Variants in FAT2 observed in about 807,000 individuals in gnomAD.
FAT2 encodes protocadherin Fat 2.
A neutral mutation model predicts 295.3 loss-of-function variants in FAT2; 150 were observed. That is an observed-to-expected ratio of 0.51 (90% CI 0.44 to 0.58). FAT2 has a LOEUF of 0.58. Ranked by LOEUF, FAT2 falls within the 20% of genes least tolerant of loss-of-function variation. FAT2 has a pLI of 0.00. For missense variants in FAT2, 4,868 were observed against 5,442.7 expected, an observed-to-expected ratio of 0.89 and a Z score of 3.32; for synonymous variants, 2,026 against 2,150.3, an observed-to-expected ratio of 0.94 and a Z score of 1.60.
intron 2 of FAT2, among the ~76,000 whole-genome samples, chr5:151,564,790 C>T (rs371538028): frequency 4.5e-4 from 68 of 152,266 alleles, no homozygotes; most frequent in Non-Finnish European, 9.0e-4. Flanking sequence ...AAGAATTTTT[C>T]GGCCGGGCAT....
In FAT2 at chr5:151,529,238, G is replaced by A. The variant is rs1344055651; in HGVS notation, c.9966C>T (p.Pro3322=). The stretch of plus-strand genomic sequence containing the variant: ...AGACCCTTGTGCTATATGGATCTTG[G>A]GGGAATTGGGGCCGGTGTTCATTGA... The part of the protein sequence containing the change: ...TDVNEHRPQF[P]QDPYSTRVLE... Residue 3322 remains proline (P), a synonymous_variant, in exon 15 of 24, where the codon CCC becomes CCT. Transcript: ENST00000261800. 1 of 1,613,998 alleles carries A rather than the reference G, an allele frequency of 6.2e-7. No individual in the cohort carries two copies. The highest frequency in any genetic ancestry group is 8.5e-7 in the Non-Finnish European group (1 of 1,180,022).
intron 1 of FAT2, among the ~76,000 whole-genome samples, chr5:151,570,183 C>T (rs1758464707): frequency 6.6e-6 from 1 of 152,240 alleles, no homozygotes; most frequent in African/African-American, 2.4e-5. Context: ...GAGCTCCTTG[C>T]ACAGACCAGG....
chr5:151,590,515 C>T (rs1027575424), intron 1 of FAT2, among the ~76,000 whole-genome samples: 6 of 152,202 alleles, frequency 3.9e-5, no homozygotes, highest in Non-Finnish European at 5.9e-5. Context: ...GTTCCCACCC[C>T]AACAACTCCA....
chr5:151,568,199 GA>G lies in FAT2; in HGVS notation c.732del (p.His245MetfsTer17). 1 of 1,613,986 alleles carries G rather than the reference GA, an allele frequency of 6.2e-7. No homozygotes were observed. The highest frequency in any genetic ancestry group is 8.5e-7 in the Non-Finnish European group (1 of 1,179,946). On this transcript the variant is annotated frameshift_variant, in exon 2 of 24. Coordinates refer to ENST00000261800, the MANE Select transcript of FAT2 (RefSeq NM_001447.3). LOFTEE classifies it high-confidence loss of function. ...NGFGSLAALV[V>X]HVEPALRKPP... ...GGCTTCCTGAGGGCAGGCTCCACAT[GA>G]ACCACAAGTGCAGCCAGGCTGCCAA...
rs899706690 is a variant in FAT2, at chr5:151,505,987, G to C, written c.12628C>G (p.His4210Asp). 2 of 1,573,712 alleles carry C rather than the reference G, an allele frequency of 1.3e-6. No homozygotes were observed. Among genetic ancestry groups the C allele is most frequent in the African/African-American group, 2.7e-5 (2 of 73,076 alleles). The change falls in exon 24 of 24, where the codon CAC (histidine) becomes GAC (aspartate). Residue 4210 changes from histidine to aspartate, a missense_variant. By Grantham distance (81) the His-to-Asp change is moderately conservative. Around this residue, in one of 5 missense-constraint regions of FAT2, gnomAD observed 492 missense variants for 482.6 expected, o/e 1.02. Coordinates refer to ENST00000261800, the MANE Select transcript of FAT2 (RefSeq NM_001447.3). ...TCTGGCATCACGACTGGGGTTGAGT[G>C]GCGGTGAGCCGAGGGCGGCAGAGGG... ...QGPLPPSAHR[H>D]STPVVMPEPN...
chr5:151,527,468 A>T (rs1463820778), intron 16 of FAT2, 91 bp from the exon 17 acceptor site: 3 of 1,336,846 alleles, frequency 2.2e-6, no homozygotes, highest in Middle Eastern at 4.6e-4. Flanking sequence ...CAAAAAAAAT[A>T]AGAAGGAGAC....
chr5:151,549,591 C>T, intron 8 of FAT2, 86 bp from the exon 9 acceptor site: 1 of 1,111,312 alleles, frequency 9.0e-7, no homozygotes, highest in Non-Finnish European at 1.3e-6. Flanking sequence ...ACTAGAATGC[C>T]AATTTAAAAT....
chr5:151,554,457 C>T lies in FAT2; in HGVS notation c.3850G>A (p.Glu1284Lys), dbSNP rs561203093. 18 of 1,614,188 alleles carry T rather than the reference C, an allele frequency of 1.1e-5. No individual in the cohort carries two copies. Among genetic ancestry groups the T allele is most frequent in the African/African-American group, 5.3e-5 (4 of 75,040 alleles). Reference protein sequence around the residue: ...GLNGRVTYSIEDSDEEAFSID... With the variant: ...GLNGRVTYSIKDSDEEAFSID... ...CTGAAGGCCTCCTCATCGCTGTCCT[C>T]GATACTGTAGGTGACTCTGCCATTA... The change falls in exon 5 of 24, where the codon GAG becomes AAG. Residue 1284 changes from glutamate (E) to lysine (K), a missense_variant. Around this residue, in one of 5 missense-constraint regions of FAT2, gnomAD observed 3,297 missense variants for 3,669.4 expected, o/e 0.90. Transcript: ENST00000261800.
At chr5:151,507,709 A>G in intron 22 of FAT2, 98 bp from the exon 23 acceptor site, 2 of 1,112,778 alleles carry the variant, frequency 1.8e-6, no homozygotes, top group South Asian at 1.7e-5. Flanking sequence ...TCCCCCCAAA[A>G]CCTACCATCT....
In FAT2 at chr5:151,568,527, C is replaced by T. The variant is rs2127650234; in HGVS notation, c.405G>A (p.Val135=). ...TLELEALTRV[V]VHILDQNDLK... ...GGTCATTCTGGTCCAGGATGTGGAC[C>T]ACCACACGGGTCAAAGCTTCCAACT... The change falls in exon 2 of 24, where the codon GTG becomes GTA. Residue 135 remains valine (V), a synonymous_variant. Coordinates refer to ENST00000261800, the MANE Select transcript of FAT2 (RefSeq NM_001447.3). The T allele has an allele frequency of 6.2e-7, 1 of 1,614,010 alleles. No homozygotes were observed. Among genetic ancestry groups the T allele is most frequent in the African/African-American group, 1.3e-5 (1 of 74,982 alleles).
At chr5:151,553,155 T>G in intron 6 of FAT2, 22 bp downstream of exon 6, 1 of 1,611,448 alleles carries the variant, frequency 6.2e-7, no homozygotes, top group Non-Finnish European at 8.5e-7. Context: ...TGGCCCTTGT[T>G]GGGCCCTAGG....
upstream of FAT2, among the ~76,000 whole-genome samples, chr5:151,591,616 G>T (rs984450350): frequency 6.8e-6 from 1 of 146,524 alleles, no homozygotes; most frequent in Non-Finnish European, 1.5e-5. Flanking sequence ...AACTAGAAAA[G>T]GTCACTTGGC....
chr5:151,522,180 T>G, intron 18 of FAT2, 94 bp from the exon 19 acceptor site: 1 of 1,018,190 alleles, frequency 9.8e-7, no homozygotes, highest in Non-Finnish European at 1.4e-6. Context: ...TACGTTTCTC[T>G]GCCCCACGCC....
intron 18 of FAT2, among the ~76,000 whole-genome samples, chr5:151,523,770 C>T (rs6879007): frequency 0.79 from 120,428 of 152,060 alleles, 48,231 homozygotes; most frequent in East Asian, 0.96. Context: ...CAGCTACCCA[C>T]TGGACACCTC....
At position 151,535,369 on chromosome 5, in the gene FAT2, A is replaced by T. The variant is rs951627015; in HGVS notation, c.9194-727T>A. On this transcript the variant is annotated intron_variant, in intron 12 of 23. Coordinates refer to ENST00000261800, the MANE Select transcript of FAT2 (RefSeq NM_001447.3). Reference sequence around the variant, plus strand: ...CCCTTTTCTAATTGTGGGTTTTAAGACCCTCCCCAGAGAGTCTCCTGCCTT... The same window carrying T: ...CCCTTTTCTAATTGTGGGTTTTAAGTCCCTCCCCAGAGAGTCTCCTGCCTT... Among the ~76,000 whole-genome samples the T allele has an allele frequency of 8.6e-5, 13 of 151,604 alleles. 1 individual carries two copies. Among genetic ancestry groups the T allele is most frequent in the Admixed American group, 7.9e-4 (12 of 15,218 alleles).
rs1757506060 is a variant in FAT2 at position 151,554,425 on chromosome 5, G to T, written c.3882C>A (p.Asp1294Glu). Residue 1294 changes from aspartate (D) to glutamate (E), a missense_variant, in exon 5 of 24, where the codon GAC (aspartate) becomes GAA (glutamate). Asp to Glu is a conservative substitution (Grantham distance 45). Around this residue, in one of 5 missense-constraint regions of FAT2, gnomAD observed 3,297 missense variants for 3,669.4 expected, o/e 0.90. Coordinates refer to ENST00000261800, the MANE Select transcript of FAT2 (RefSeq NM_001447.3). ...TGGATGAAACCACACCTGTGACCAG[G>T]TCGATACTGAAGGCCTCCTCATCGC... The part of the protein sequence containing the change: ...EDSDEEAFSI[D>E]LVTGVVSSSS... 3 of 1,614,072 alleles carry T rather than the reference G, an allele frequency of 1.9e-6. No homozygotes were observed. Among genetic ancestry groups the T allele is most frequent in the Middle Eastern group, 1.6e-4 (1 of 6,084 alleles).
upstream of FAT2, among the ~76,000 whole-genome samples, chr5:151,592,236 A>G (rs1173046712): frequency 1.3e-5 from 2 of 150,946 alleles, no homozygotes; most frequent in Non-Finnish European, 3.0e-5. Context: ...AAGGATTAGC[A>G]CTCCTCTCCC....
At chr5:151,577,899 T>G (rs1758804127) in intron 1 of FAT2, among the ~76,000 whole-genome samples, 1 of 150,308 alleles carries the variant, frequency 6.7e-6, no homozygotes, top group Non-Finnish European at 1.5e-5. Flanking sequence ...GGGCCTGGGG[T>G]GGCAGGGAGG....
chr5:151,517,483 G>A, intron 20 of FAT2, 137 bp downstream of exon 20: 1 of 1,084,414 alleles, frequency 9.2e-7, no homozygotes, highest in South Asian at 1.5e-5. Context: ...TGGCCCAACA[G>A]TCACACCCAG....
Sources: gnomAD v4.1 joint callset for allele counts (sites outside exome capture counted in the v4.1 genomes callset) on GRCh38, gnomAD v4.1.1 for gene constraint, gnomAD v4.1.1 regional missense constraint, MANE v1.5 for transcripts, NCBI Gene and HGNC (gene_info 2026-07-23, HGNC 2026-07-21) for gene names.